Variants in OTUD7A observed in about 807,000 individuals in gnomAD.
OTUD7A encodes OTU domain-containing protein 7A.
A neutral mutation model predicts 65.7 loss-of-function variants in OTUD7A; 12 were observed. The ratio of observed to expected loss-of-function variants is 0.18; its 90% CI spans 0.12 to 0.30. OTUD7A has a LOEUF of 0.30. Among genes scored for constraint, OTUD7A ranks in the 10% least tolerant of loss-of-function variants. The probability of loss-of-function intolerance (pLI) is 1.00; values close to 1 mark genes in which losing one functional copy is unlikely to be tolerated. For synonymous variants in OTUD7A, 641 were observed against 586.3 expected (o/e 1.09, Z -1.35); for missense variants, 1,148 against 1,304.8 (o/e 0.88, Z 1.85).
chr15:31,704,865 C>A (rs2141331526), intron 1 of OTUD7A, among the ~76,000 whole-genome samples: 1 of 152,354 alleles, frequency 6.6e-6, no homozygotes, highest in Non-Finnish European at 1.5e-5. Context: ...CTTAAAACTC[C>A]TAAACAGTGT....
chr15:31,673,047 C>T (rs1892519331), intron 1 of OTUD7A, among the ~76,000 whole-genome samples: 1 of 152,136 alleles, frequency 6.6e-6, no homozygotes, highest in African/African-American at 2.4e-5. Flanking sequence ...ACTACAGATG[C>T]TCAATTTATG....
rs867533004 is a variant in OTUD7A, at chr15:31,756,012, T to C, written c.-99-98935A>G. On this transcript the variant is annotated intron_variant, in intron 1 of 12. Transcript: ENST00000307050. ...GAGTCACAGAGCAAGGGAGCAGAGC[T>C]GAGGACTCCAGCCTCACCTCCAGTG... 4.6e-5 allele frequency among the ~76,000 whole-genome samples: 7 copies of C among 152,198 alleles called. No homozygotes were observed. In the South Asian group the frequency reaches 8.3e-4, roughly 18 times the overall value.
chr15:31,573,615 A>G (rs10519728), intron 3 of OTUD7A, among the ~76,000 whole-genome samples: 91,461 of 152,204 alleles, frequency 0.6, 29,707 homozygotes, highest in East Asian at 0.91. Flanking sequence ...CAGTTGACAG[A>G]TCAGGCCAGG....
chr15:31,696,732 C>T (rs1481122658), intron 1 of OTUD7A, among the ~76,000 whole-genome samples: 1 of 152,124 alleles, frequency 6.6e-6, no homozygotes, highest in Non-Finnish European at 1.5e-5. Context: ...GGGGAGTTCC[C>T]ATGAGTAGCA....
chr15:31,607,357 A>T (rs1890267199), intron 3 of OTUD7A, among the ~76,000 whole-genome samples: 1 of 152,186 alleles, frequency 6.6e-6, no homozygotes, highest in Non-Finnish European at 1.5e-5. Context: ...GAGTGAGAGT[A>T]AACTAAAAAC....
intron 10 of OTUD7A, among the ~76,000 whole-genome samples, chr15:31,492,926 T>C (rs939042079): frequency 2.6e-5 from 4 of 152,042 alleles, no homozygotes; most frequent in African/African-American, 4.8e-5. Context: ...AGAATCTCAT[T>C]GTAAGGGCCA....
intron 1 of OTUD7A, among the ~76,000 whole-genome samples, chr15:31,709,998 A>G (rs1254821012): frequency 2.6e-5 from 4 of 151,424 alleles, no homozygotes; most frequent in African/African-American, 9.7e-5. Flanking sequence ...TTGTGTAAGT[A>G]CAGAAAAAGT....
At chr15:31,626,349 A>G (rs1375889812) in intron 3 of OTUD7A, among the ~76,000 whole-genome samples, 2 of 152,200 alleles carry the variant, frequency 1.3e-5, no homozygotes, top group East Asian at 1.9e-4. Context: ...ATAGGTACAT[A>G]TATGTGACAA....
At chr15:31,763,744 T>C (rs1043393664) in intron 1 of OTUD7A, among the ~76,000 whole-genome samples, 3 of 152,146 alleles carry the variant, frequency 2.0e-5, no homozygotes, top group African/African-American at 7.2e-5. Flanking sequence ...ATCATAATCA[T>C]GTGGCTGAAA....
chr15:31,819,762 CAT>C (rs143721189), intron 1 of OTUD7A, among the ~76,000 whole-genome samples: 140 of 151,298 alleles, frequency 9.3e-4, no homozygotes, highest in African/African-American at 3.3e-3. Context: ...TTATATATAA[CAT>C]ATAAGTAACA....
chr15:31,523,639 T>A (rs1259704728), intron 8 of OTUD7A, among the ~76,000 whole-genome samples: 1 of 152,192 alleles, frequency 6.6e-6, no homozygotes, highest in Non-Finnish European at 1.5e-5. Context: ...CGGCCCCATG[T>A]CCTGGCCTGT....
chr15:31,860,246 G>A (rs1228666380), intron 1 of OTUD7A, among the ~76,000 whole-genome samples: 1 of 152,084 alleles, frequency 6.6e-6, no homozygotes, highest in Admixed American at 6.6e-5. Flanking sequence ...TAAATTATCT[G>A]GTTTTTGTTT....
chr15:31,812,245 A>AG (rs11409050), intron 1 of OTUD7A, among the ~76,000 whole-genome samples: 47,177 of 152,002 alleles, frequency 0.31, 8,159 homozygotes, highest in South Asian at 0.56. Context: ...CTGTTCAGGG[A>AG]GCCCAACCAG....
intron 1 of OTUD7A, among the ~76,000 whole-genome samples, chr15:31,751,944 C>T (rs1005855304): frequency 3.3e-5 from 5 of 152,116 alleles, no homozygotes; most frequent in Non-Finnish European, 7.4e-5. Context: ...CTGTTGGGTA[C>T]TATGTTCACT....
In OTUD7A at chr15:31,484,638, A is replaced by G. The variant is rs1295563755; in HGVS notation, c.1458T>C (p.Asp486=). Residue 486 remains aspartate (D), a synonymous_variant, in exon 13 of 13, where the codon GAT becomes GAC. Coordinates refer to ENST00000307050, the MANE Select transcript of OTUD7A (RefSeq NM_001382637.1). This position sits in a 1 kb window ranked among gnomAD's most constrained non-coding sequence, Gnocchi z 4.5. ...TGCTGTTAGAATTGCTGCACACCGAATCGCGGTCCGAGTCCAGCGAGTCGG... is the reference window on the plus strand; with the variant it reads ...TGCTGTTAGAATTGCTGCACACCGAGTCGCGGTCCGAGTCCAGCGAGTCGG... ...SLADSLDSDR[D]SVCSNSNSNN... is the part of the protein sequence containing the mutation. The G allele has an allele frequency of 3.1e-6, 5 of 1,589,360 alleles. No individual in the cohort carries two copies.
chr15:31,623,322 G>A (rs549952138), intron 3 of OTUD7A, among the ~76,000 whole-genome samples: 3 of 152,344 alleles, frequency 2.0e-5, no homozygotes, highest in African/African-American at 4.8e-5. Flanking sequence ...GTCTGCAGAG[G>A]TTTGTGCTGC....
Position 31,589,770 on chromosome 15 carries a change from C to T in OTUD7A, c.152-19573G>A, listed in dbSNP as rs185880828. On this transcript the variant is annotated intron_variant, in intron 3 of 12. Transcript: ENST00000307050. The stretch of plus-strand genomic sequence containing the variant: ...TCCAAAAGCTAAACTAAATTGTGTA[C>T]TCAACTATTTCAAACAACTGGCTAA... 1.8e-4 allele frequency among the ~76,000 whole-genome samples: 28 copies of T among 152,094 alleles called. No homozygotes were observed. In the East Asian group the frequency reaches 4.8e-3, roughly 26 times the overall value.
rs188158791 is a variant in OTUD7A at position 31,611,978 on chromosome 15, A to G, written c.152-41781T>C. On this transcript the variant is annotated intron_variant, in intron 3 of 12. Coordinates refer to ENST00000307050, the MANE Select transcript of OTUD7A (RefSeq NM_001382637.1). The stretch of plus-strand genomic sequence containing the variant: ...TGATCAAGTGGGTTTCATACCAGGA[A>G]TGCAGAAACGATTTAACATATGCAA... 9.8e-5 allele frequency among the ~76,000 whole-genome samples: 15 copies of G among 152,380 alleles called. No individual in the cohort carries two copies. In the East Asian group the frequency reaches 2.9e-3, roughly 29 times the overall value.
intron 1 of OTUD7A, among the ~76,000 whole-genome samples, chr15:31,681,002 A>G (rs996382327): frequency 6.7e-6 from 1 of 149,650 alleles, no homozygotes; most frequent in Non-Finnish European, 1.5e-5. Flanking sequence ...AACCTAAATA[A>G]AAATATATGT....
Sources: allele counts gnomAD v4.1 joint callset (sites outside exome capture counted in the v4.1 genomes callset), GRCh38; gene constraint gnomAD v4.1.1; non-coding constraint Gnocchi (gnomAD v3.1); transcripts MANE v1.5; gene names NCBI Gene and HGNC (gene_info 2026-07-23, HGNC 2026-07-21).